CSMD1: variants seen among roughly 807,000 people sequenced by gnomAD.
CSMD1 encodes the protein CUB and Sushi multiple domains 1, also known as CUB and sushi domain-containing protein 1.
CSMD1 carries 213 observed loss-of-function variants against 417.5 expected under a neutral mutation model. That is an observed-to-expected ratio of 0.51 (90% CI 0.46 to 0.57). The LOEUF is 0.57. CSMD1 is among the 20% of genes least tolerant of loss of function. The probability of loss-of-function intolerance (pLI) is 0.00; values close to 1 mark genes in which losing one functional copy is unlikely to be tolerated. For synonymous variants in CSMD1, 2,862 were observed against 1,736.8 expected (o/e 1.65, Z -16.11); for missense variants, 6,923 against 4,529.7 (o/e 1.53, Z -15.17).
intron 7 of CSMD1, among the ~76,000 whole-genome samples, chr8:3,677,276 A>G (rs1799426508): frequency 6.6e-6 from 1 of 152,218 alleles, no homozygotes; most frequent in Admixed American, 6.5e-5. Context: ...TCTCCCAGGA[A>G]AGTTATGGTT....
chr8:3,852,802 G>A (rs1049132924), intron 5 of CSMD1, among the ~76,000 whole-genome samples: 5 of 152,112 alleles, frequency 3.3e-5, no homozygotes, highest in African/African-American at 4.8e-5. Flanking sequence ...TCCTCCAAGC[G>A]CACGCTTCAA....
At position 4,805,380 on chromosome 8, in the gene CSMD1, G is replaced by C. The variant is rs534398867; in HGVS notation, c.86-167822C>G. ...CAATTCGTGGTCTTATTCTCATGGT[G>C]ATCTAATGTGATAAATTATTTCTTG... On this transcript the variant is annotated intron_variant, in intron 1 of 69. Transcript: ENST00000635120. 5.3e-5 allele frequency among the ~76,000 whole-genome samples: 8 copies of C among 152,266 alleles called. No homozygotes were observed. In the South Asian group the frequency reaches 1.2e-3, roughly 24 times the overall value.
intron 3 of CSMD1, among the ~76,000 whole-genome samples, chr8:4,046,192 G>A (rs559369925): frequency 6.6e-6 from 1 of 152,042 alleles, no homozygotes; most frequent in South Asian, 2.1e-4. Flanking sequence ...ATGTGTGCGT[G>A]TGTGTGTAGA....
chr8:4,619,827 T>A (rs1162409874), intron 2 of CSMD1, among the ~76,000 whole-genome samples: 1 of 152,110 alleles, frequency 6.6e-6, no homozygotes, highest in African/African-American at 2.4e-5. Context: ...AATAATATGT[T>A]TTGTTTGGAA....
intron 51 of CSMD1, among the ~76,000 whole-genome samples, chr8:3,028,091 T>A (rs1810078543): frequency 6.6e-6 from 1 of 152,238 alleles, no homozygotes; most frequent in South Asian, 2.1e-4. Context: ...AACGCTGTAC[T>A]GCGCTGTGCC....
At chr8:3,416,306 A>T (rs912922312) in intron 12 of CSMD1, among the ~76,000 whole-genome samples, 6 of 145,318 alleles carry the variant, frequency 4.1e-5, no homozygotes, top group African/African-American at 1.6e-4. Flanking sequence ...CCGTCTCAAA[A>T]AAAAAAAAAA....
At chr8:2,983,062 C>T (rs79446325) in intron 54 of CSMD1, among the ~76,000 whole-genome samples, 5,458 of 152,178 alleles carry the variant, frequency 0.036, 126 homozygotes, top group Non-Finnish European at 0.036. Flanking sequence ...GAGGAAACAC[C>T]GTGAACACTT....
At chr8:4,016,704 A>C (rs942091551) in intron 4 of CSMD1, among the ~76,000 whole-genome samples, 1 of 152,310 alleles carries the variant, frequency 6.6e-6, no homozygotes, top group East Asian at 1.9e-4. Context: ...TTAGCCTTTA[A>C]GTAACATGTT....
At chr8:3,703,139 C>A (rs1019981409) in intron 7 of CSMD1, among the ~76,000 whole-genome samples, 1 of 152,104 alleles carries the variant, frequency 6.6e-6, no homozygotes, top group East Asian at 1.9e-4. Context: ...TGATTACAAG[C>A]TGGTGAAAAA....
intron 5 of CSMD1, among the ~76,000 whole-genome samples, chr8:3,955,567 T>C (rs911924471): frequency 2.1e-4 from 32 of 152,152 alleles, no homozygotes; most frequent in African/African-American, 7.0e-4. Context: ...TGTTTACATA[T>C]TCCATAGGAG....
intron 7 of CSMD1, among the ~76,000 whole-genome samples, chr8:3,686,012 C>G (rs1360691364): frequency 1.3e-5 from 2 of 152,012 alleles, no homozygotes; most frequent in Non-Finnish European, 2.9e-5. Context: ...TTCTTTCTTT[C>G]TGTATTTTGT....
intron 5 of CSMD1, among the ~76,000 whole-genome samples, chr8:3,822,676 C>A (rs985376306): frequency 6.6e-6 from 1 of 152,186 alleles, no homozygotes; most frequent in Non-Finnish European, 1.5e-5. Flanking sequence ...CTCAGCTTCA[C>A]AGTCACGGCA....
At chr8:3,233,691 G>C (rs987622700) in intron 26 of CSMD1, among the ~76,000 whole-genome samples, 13 of 151,886 alleles carry the variant, frequency 8.6e-5, no homozygotes, top group African/African-American at 3.1e-4. Flanking sequence ...AATCCGATAA[G>C]AATTCCAATT....
intron 5 of CSMD1, among the ~76,000 whole-genome samples, chr8:3,839,295 T>C (rs1802941480): frequency 8.1e-6 from 1 of 124,160 alleles, no homozygotes; most frequent in East Asian, 2.2e-4. Flanking sequence ...TAATTATATA[T>C]ACTATTATAT....
Position 2,938,750 on chromosome 8 carries a change from G to A in CSMD1, c.10536-6C>T, listed in dbSNP as rs372134458. The stretch of plus-strand genomic sequence containing the variant: ...ATTGAACTTTTGGTCTCGTTCTAAG[G>A]AAAACAGAAAACAAATCATTAGAAT... On this transcript the variant is annotated splice_region_variant and splice_polypyrimidine_tract_variant and intron_variant, in intron 69 of 69. Transcript: ENST00000635120. 501 of 1,595,824 alleles carry A rather than the reference G, an allele frequency of 3.1e-4. 1 individual carries two copies. The highest frequency in any genetic ancestry group is 1.5e-3 in the South Asian group (131 of 88,298).
At chr8:4,459,934 C>T (rs1168490845) in intron 2 of CSMD1, among the ~76,000 whole-genome samples, 14 of 152,152 alleles carry the variant, frequency 9.2e-5, no homozygotes, top group Non-Finnish European at 2.1e-4. Flanking sequence ...AATGACTGTT[C>T]TACTCATTTT....
intron 3 of CSMD1, among the ~76,000 whole-genome samples, chr8:4,125,303 C>G (rs1468497252): frequency 1.3e-5 from 2 of 152,202 alleles, no homozygotes; most frequent in African/African-American, 4.8e-5. Flanking sequence ...TGACTGGCTT[C>G]TTTGGAAAAG....
intron 2 of CSMD1, among the ~76,000 whole-genome samples, chr8:4,623,144 A>C (rs1436875475): frequency 6.6e-6 from 1 of 152,152 alleles, no homozygotes; most frequent in African/African-American, 2.4e-5. Context: ...CTGATAACTC[A>C]AAGGGAAGAC....
intron 3 of CSMD1, among the ~76,000 whole-genome samples, chr8:4,035,797 G>A (rs1008685010): frequency 1.3e-5 from 2 of 152,030 alleles, no homozygotes; most frequent in Non-Finnish European, 2.9e-5. Flanking sequence ...GATTAAAAAA[G>A]AAAAATGTGT....
Sources: gnomAD v4.1 joint callset for allele counts (sites outside exome capture counted in the v4.1 genomes callset) on GRCh38, gnomAD v4.1.1 for gene constraint, MANE v1.5 for transcripts, NCBI Gene and HGNC (gene_info 2026-07-23, HGNC 2026-07-21) for gene names.